TENM3: variants seen among roughly 807,000 people sequenced by gnomAD.
The protein encoded by TENM3 is teneurin transmembrane protein 3.
Under a neutral mutation model 255.1 loss-of-function variants are expected in TENM3, and 63 were observed. The ratio of observed to expected loss-of-function variants is 0.25; its 90% confidence interval spans 0.20 to 0.30. The LOEUF (loss-of-function observed/expected upper bound fraction) is 0.30, where lower values mean the gene tolerates loss of function less well. Ranked by LOEUF, TENM3 falls within the 10% of genes least tolerant of loss-of-function variation. The pLI is 1.00. For synonymous variants in TENM3, 1,306 were observed against 1,322.3 expected (o/e 0.99, Z 0.27); for missense variants, 2,929 against 3,461.1 (o/e 0.85, Z 3.86).
At chr4:181,523,063 T>C in the TENM3 span, 3 of 572,654 alleles carry the variant, frequency 5.2e-6, no homozygotes, top group East Asian at 1.2e-4. Flanking sequence ...AGATTACAAA[T>C]GTATGAGCAT....
rs73869834 is a variant in TENM3 at position 182,802,417 on chromosome 4, G to A, written c.*2066G>A. On this transcript the variant is annotated 3_prime_UTR_variant, in exon 28 of 28. Transcript: ENST00000511685. ...TGTTAGGTATTTGCAGTTCTGTTCC[G>A]TGGAACTTCTGCAGGCCTGTATTTA... The A allele has an allele frequency of 1.2e-3, 185 of 152,608 alleles. 1 individual carries two copies. Among genetic ancestry groups the A allele is most frequent in the African/African-American group, 4.3e-3 (180 of 41,530 alleles). The allele number at this position is 152,608 out of a possible 1,614,324, so 9.5% of individuals were successfully genotyped here. A position where few individuals can be genotyped will look rare whatever the true frequency, so the allele number is the denominator to read the frequency against.
chr4:182,734,089 TAAATGCGATAAAGATTTTA>T (rs1456732754), intron 16 of TENM3, among the ~76,000 whole-genome samples: 1 of 152,236 alleles, frequency 6.6e-6, no homozygotes, highest in East Asian at 1.9e-4. Context: ...CCTGCCATTC[TAAATGCGATAAAGATTTTA>T]ATGAAGAATG....
At chr4:182,392,103 T>A (rs1768467607) in intron 3 of TENM3, among the ~76,000 whole-genome samples, 1 of 152,208 alleles carries the variant, frequency 6.6e-6, no homozygotes, top group Admixed American at 6.5e-5. Context: ...GAATGGCTAT[T>A]TTATCTATAA....
chr4:181,452,380 T>C, the TENM3 span, among the ~76,000 whole-genome samples: 2 of 152,096 alleles, frequency 1.3e-5, no homozygotes, highest in Non-Finnish European at 2.9e-5. Context: ...CATAATCCCC[T>C]CGTGTTGTGA....
the TENM3 span, among the ~76,000 whole-genome samples, chr4:181,685,066 T>C: frequency 6.6e-6 from 1 of 151,812 alleles, no homozygotes; most frequent in African/African-American, 2.4e-5. Flanking sequence ...ACCTGGCCAA[T>C]GCTTGTTTTT....
the TENM3 span, among the ~76,000 whole-genome samples, chr4:181,895,842 G>A: frequency 6.6e-6 from 1 of 152,016 alleles, no homozygotes; most frequent in Non-Finnish European, 1.5e-5. Flanking sequence ...ACTGTACCCA[G>A]CCTGATTGTA....
intron 4 of TENM3, among the ~76,000 whole-genome samples, chr4:182,610,754 T>C (rs1056074407): frequency 1.3e-5 from 2 of 151,230 alleles, no homozygotes; most frequent in Non-Finnish European, 3.0e-5. Flanking sequence ...CTTTTTTTTT[T>C]TTTTTTTGAG....
chr4:181,516,477 G>T, the TENM3 span, among the ~76,000 whole-genome samples: 1 of 151,952 alleles, frequency 6.6e-6, no homozygotes, highest in African/African-American at 2.4e-5. Context: ...TTAGTCCCAG[G>T]CCCCAAAATA....
At chr4:181,668,081 C>A in the TENM3 span, among the ~76,000 whole-genome samples, 9 of 152,268 alleles carry the variant, frequency 5.9e-5, no homozygotes, top group Admixed American at 3.3e-4. Flanking sequence ...TCATTCTGGG[C>A]CCAATGCATC....
chr4:182,276,061 A>T (rs1759980262), intron 1 of TENM3, among the ~76,000 whole-genome samples: 1 of 152,216 alleles, frequency 6.6e-6, no homozygotes, highest in Non-Finnish European at 1.5e-5. Context: ...GTGAATTTGC[A>T]CTGAGACCTG....
the TENM3 span, among the ~76,000 whole-genome samples, chr4:181,464,598 G>A: frequency 1.3e-5 from 2 of 151,692 alleles, no homozygotes; most frequent in Non-Finnish European, 2.9e-5. Context: ...CATTCTGTGG[G>A]TTTTCTTTTC....
chr4:181,622,695 T>C, the TENM3 span, among the ~76,000 whole-genome samples: 1 of 152,040 alleles, frequency 6.6e-6, no homozygotes, highest in Non-Finnish European at 1.5e-5. Context: ...TAAATAAATA[T>C]GATAACATGG....
At chr4:182,532,742 T>C (rs1158507704) in intron 3 of TENM3, among the ~76,000 whole-genome samples, 1 of 152,212 alleles carries the variant, frequency 6.6e-6, no homozygotes, top group Non-Finnish European at 1.5e-5. Flanking sequence ...ACCTCCTTAC[T>C]ATTAGATCAG....
chr4:182,672,527 C>T (rs943112890), intron 6 of TENM3, among the ~76,000 whole-genome samples: 1 of 152,238 alleles, frequency 6.6e-6, no homozygotes, highest in East Asian at 1.9e-4. Context: ...TAGATAGAAC[C>T]ACATGAATCC....
intron 24 of TENM3, among the ~76,000 whole-genome samples, chr4:182,775,988 TATAG>T (rs762818772): frequency 3.4e-4 from 52 of 152,162 alleles, no homozygotes; most frequent in Middle Eastern, 3.4e-3. Context: ...ATTATATATA[TATAG>T]ATAGATAGGA....
At chr4:182,736,649 C>G (rs1761189460) in intron 16 of TENM3, among the ~76,000 whole-genome samples, 159 bp from the exon 17 acceptor site, 1 of 152,066 alleles carries the variant, frequency 6.6e-6, no homozygotes, top group Non-Finnish European at 1.5e-5. Context: ...TTTAGTTGCT[C>G]TAAAGCAGCT....
chr4:182,600,776 A>G (rs1365501765), intron 3 of TENM3, 148 bp from the exon 4 acceptor site: 21 of 450,052 alleles, frequency 4.7e-5, no homozygotes, highest in Non-Finnish European at 7.6e-5. Context: ...TAATAGAATA[A>G]TATGCAAATT....
Position 182,473,671 on chromosome 4 carries a change from TA to T in TENM3, c.511+126751del, listed in dbSNP as rs112020923. Among the ~76,000 whole-genome samples the T allele has an allele frequency of 1.7e-3, 250 of 148,818 alleles. 4 individuals are homozygous for T. Among genetic ancestry groups the T allele is most frequent in the African/African-American group, 3.6e-3 (142 of 39,840 alleles). ...CTGGGCGACAGAGCGAGACTTCATCTAAAAAAAAATAAAATAAAATAAAAAA... is the reference window on the plus strand; with the variant it reads ...CTGGGCGACAGAGCGAGACTTCATCTAAAAAAAATAAAATAAAATAAAAAA... On this transcript the variant is annotated intron_variant, in intron 3 of 27. Transcript: ENST00000511685.
chr4:181,922,923 T>C, the TENM3 span, among the ~76,000 whole-genome samples: 3 of 152,140 alleles, frequency 2.0e-5, no homozygotes, highest in African/African-American at 7.2e-5. Context: ...CCAGAGATTC[T>C]GGTATGTTGT....
Sources: allele counts gnomAD v4.1 joint callset (sites outside exome capture counted in the v4.1 genomes callset), GRCh38; gene constraint gnomAD v4.1.1; transcripts MANE v1.5; gene names NCBI Gene and HGNC (gene_info 2026-07-23, HGNC 2026-07-21).